The following NXPH1 variants were observed in gnomAD, a reference collection of about 807,000 sequenced individuals.
NXPH1 encodes the protein neurexophilin-1.
In NXPH1, 5 loss-of-function variants were observed where a neutral mutation model predicts 23.7. The ratio of observed to expected loss-of-function variants is 0.21; its 90% confidence interval spans 0.11 to 0.44. The LOEUF (loss-of-function observed/expected upper bound fraction) is 0.44. Ranked by LOEUF, NXPH1 falls within the 20% of genes least tolerant of loss-of-function variation. The pLI, the probability that NXPH1 is intolerant of heterozygous loss-of-function variation, is 0.99. For missense variants in NXPH1, 324 were observed against 321.6 expected, an observed-to-expected ratio of 1.01 and a Z score of -0.06; for synonymous variants, 144 against 122.2, an observed-to-expected ratio of 1.18 and a Z score of -1.18.
chr7:8,751,272 A>G lies in NXPH1; in HGVS notation c.319A>G (p.Arg107Gly). 6.2e-7 allele frequency: 1 copy of G among 1,613,946 alleles called. No individual in the cohort carries two copies. The highest frequency in any genetic ancestry group is 1.3e-5 in the African/African-American group (1 of 75,066). Reference sequence around the variant, plus strand: ...AGAGCCTCGGCCCAGGGCCAAGAGAAGGCCCATTGTTAAAACGGGCAAGTT... The same window carrying G: ...AGAGCCTCGGCCCAGGGCCAAGAGAGGGCCCATTGTTAAAACGGGCAAGTT... Reference protein sequence around the residue: ...LQEPRPRAKRRPIVKTGKFKK... With the variant: ...LQEPRPRAKRGPIVKTGKFKK... Residue 107 changes from arginine (R) to glycine (G), a missense_variant, in exon 3 of 3, where the codon AGG becomes GGG. Physicochemically the swap from Arg to Gly is moderately radical, Grantham distance 125. Transcript: ENST00000405863. This position sits in a 1 kb window ranked among gnomAD's most constrained non-coding sequence, Gnocchi z 4.5.
chr7:8,690,619 A>C lies in NXPH1; in HGVS notation c.55-60389A>C, dbSNP rs575273415. The stretch of plus-strand genomic sequence containing the variant: ...AAAAATATTTTATTTAAGTGAAGAA[A>C]TGTCAGTAGGATTAAATGGAATAAA... On this transcript the variant is annotated intron_variant, in intron 2 of 2. Coordinates refer to ENST00000405863, the MANE Select transcript of NXPH1 (RefSeq NM_152745.3). Among the ~76,000 whole-genome samples, 14 of 152,362 alleles carry C rather than the reference A, an allele frequency of 9.2e-5. No individual in the cohort carries two copies. In the South Asian group the frequency reaches 1.5e-3, roughly 16 times the overall value.
rs547931719 is a variant in NXPH1 at position 8,588,131 on chromosome 7, T to A, written c.54+152364T>A. Among the ~76,000 whole-genome samples, 4 of 152,272 alleles carry A rather than the reference T, an allele frequency of 2.6e-5. No individual in the cohort carries two copies. The East Asian group carries it at 7.7e-4, about 29-fold the overall frequency. On this transcript the variant is annotated intron_variant, in intron 2 of 2. Transcript: ENST00000405863. ...TGGAGCAGATGTGGAGAAATAGGAA[T>A]GCTTTTACACTGTTGGTGGGAGTGT...
At chr7:8,441,835 C>A (rs1039500593) in intron 2 of NXPH1, among the ~76,000 whole-genome samples, 2 of 150,414 alleles carry the variant, frequency 1.3e-5, no homozygotes, top group East Asian at 3.9e-4. Flanking sequence ...GAGCGCGCTG[C>A]GTTTCTGCTA....
intron 2 of NXPH1, among the ~76,000 whole-genome samples, chr7:8,536,958 T>C (rs1818036855): frequency 1.3e-5 from 2 of 152,000 alleles, no homozygotes; most frequent in African/African-American, 2.4e-5. Context: ...AGTGAGAGTT[T>C]TATTATGAAT....
At chr7:8,716,998 G>A (rs1483989335) in intron 2 of NXPH1, among the ~76,000 whole-genome samples, 4 of 152,140 alleles carry the variant, frequency 2.6e-5, no homozygotes, top group Non-Finnish European at 5.9e-5. Flanking sequence ...CCACCTTCAT[G>A]TTGTATAGTT....
chr7:8,475,598 C>T (rs1273997032), intron 2 of NXPH1, among the ~76,000 whole-genome samples: 1 of 152,106 alleles, frequency 6.6e-6, no homozygotes, highest in African/African-American at 2.4e-5. Context: ...CTAACTGCAA[C>T]AAGGGAATCG....
At chr7:8,541,465 A>G (rs1304908418) in intron 2 of NXPH1, among the ~76,000 whole-genome samples, 1 of 151,632 alleles carries the variant, frequency 6.6e-6, no homozygotes, top group East Asian at 1.9e-4. Flanking sequence ...TAAAGTTATA[A>G]ATCCAAGAAG....
chr7:8,681,947 A>G (rs1821056279), intron 2 of NXPH1, among the ~76,000 whole-genome samples: 1 of 152,160 alleles, frequency 6.6e-6, no homozygotes, highest in South Asian at 2.1e-4. Context: ...GAAAGTTGAG[A>G]TCCAGAACCA....
chr7:8,490,215 A>G (rs1166864777), intron 2 of NXPH1, among the ~76,000 whole-genome samples: 16 of 152,062 alleles, frequency 1.1e-4, no homozygotes, highest in Non-Finnish European at 2.9e-5. Context: ...ACTTAGAGGG[A>G]AATTAACCAA....
At chr7:8,601,706 A>T (rs1325540833) in intron 2 of NXPH1, among the ~76,000 whole-genome samples, 5 of 152,200 alleles carry the variant, frequency 3.3e-5, no homozygotes, top group African/African-American at 1.2e-4. Flanking sequence ...ACAGGAAGTC[A>T]CTGTGACCTT....
chr7:8,509,386 T>G (rs1229288341), intron 2 of NXPH1, among the ~76,000 whole-genome samples: 1 of 152,130 alleles, frequency 6.6e-6, no homozygotes, highest in East Asian at 1.9e-4. Flanking sequence ...ACGTTTATTT[T>G]CCAAAGACAG....
intron 2 of NXPH1, among the ~76,000 whole-genome samples, chr7:8,451,356 T>C (rs1390757625): frequency 6.6e-6 from 1 of 152,178 alleles, no homozygotes; most frequent in African/African-American, 2.4e-5. Context: ...TTTTGATTGC[T>C]TCTTCTGGAG....
chr7:8,587,832 T>C (rs1819010363), intron 2 of NXPH1, among the ~76,000 whole-genome samples: 1 of 152,186 alleles, frequency 6.6e-6, no homozygotes, highest in South Asian at 2.1e-4. Context: ...TTTTTATGGC[T>C]GTGTGGTATT....
chr7:8,718,544 G>A (rs1407300616), intron 2 of NXPH1, among the ~76,000 whole-genome samples: 1 of 152,172 alleles, frequency 6.6e-6, no homozygotes, highest in African/African-American at 2.4e-5. Context: ...ACAATTCACT[G>A]AAGTGAAAAA....
chr7:8,472,398 G>T (rs1160015220), intron 2 of NXPH1, among the ~76,000 whole-genome samples: 1 of 152,270 alleles, frequency 6.6e-6, no homozygotes, highest in Admixed American at 6.5e-5. Flanking sequence ...ACCACCTGGT[G>T]AGGGAGATAA....
At chr7:8,696,896 C>A (rs12702769) in intron 2 of NXPH1, among the ~76,000 whole-genome samples, 21,003 of 147,336 alleles carry the variant, frequency 0.14, 1,849 homozygotes, top group Middle Eastern at 0.28. Flanking sequence ...ATTATCCCAG[C>A]ACTTTGGGAG....
chr7:8,597,612 CA>C (rs762803206), intron 2 of NXPH1, among the ~76,000 whole-genome samples: 2 of 149,778 alleles, frequency 1.3e-5, no homozygotes, highest in Non-Finnish European at 3.0e-5. Flanking sequence ...TTTGCTCATT[CA>C]GTCATCAGAG....
chr7:8,732,426 T>C (rs1418051717), intron 2 of NXPH1, among the ~76,000 whole-genome samples: 1 of 152,266 alleles, frequency 6.6e-6, no homozygotes, highest in Non-Finnish European at 1.5e-5. Flanking sequence ...TAAAAATTTG[T>C]CTATTACCAT....
intron 2 of NXPH1, among the ~76,000 whole-genome samples, chr7:8,702,841 C>G (rs2115190803): frequency 6.6e-6 from 1 of 152,134 alleles, no homozygotes; most frequent in Non-Finnish European, 1.5e-5. Context: ...TAGTTCCTGA[C>G]TCCATGAAAC....
Sources: allele counts gnomAD v4.1 joint callset (sites outside exome capture counted in the v4.1 genomes callset), GRCh38; gene constraint gnomAD v4.1.1; non-coding constraint Gnocchi (gnomAD v3.1); transcripts MANE v1.5; gene names NCBI Gene and HGNC (gene_info 2026-07-23, HGNC 2026-07-21).